MMP20: variants seen among roughly 807,000 people sequenced by gnomAD.
MMP20 encodes matrix metalloproteinase-20.
Under a neutral mutation model 51.8 loss-of-function variants are expected in MMP20, and 50 were observed. The ratio of observed to expected loss-of-function variants is 0.97; its 90% CI spans 0.77 to 1.22. MMP20 has a LOEUF of 1.22. Ranked by LOEUF, MMP20 falls within the 50% of genes most tolerant of loss-of-function variation. MMP20 has a pLI of 0.00. For synonymous variants in MMP20, 244 were observed against 216.2 expected, an observed-to-expected ratio of 1.13 and a Z score of -1.13; for missense variants, 663 against 601.4, an observed-to-expected ratio of 1.10 and a Z score of -1.07.
intron 8 of MMP20, among the ~76,000 whole-genome samples, chr11:102,588,546 T>C (rs988510004): frequency 2.0e-5 from 3 of 152,190 alleles, no homozygotes; most frequent in Non-Finnish European, 4.4e-5. Flanking sequence ...TTTCTACATG[T>C]CATAGCCTTA....
At chr11:102,596,551 G>A (rs1185465772) in intron 6 of MMP20, among the ~76,000 whole-genome samples, 1 of 152,152 alleles carries the variant, frequency 6.6e-6, no homozygotes, top group Non-Finnish European at 1.5e-5. Context: ...ATTTGCTTAG[G>A]CCTTAATTAC....
chr11:102,591,656 C>T (rs1859318764), intron 8 of MMP20, among the ~76,000 whole-genome samples: 1 of 152,120 alleles, frequency 6.6e-6, no homozygotes, highest in African/African-American at 2.4e-5. Flanking sequence ...TGCCCTAGAC[C>T]AACTTTTCGG....
At position 102,622,440 on chromosome 11, in the gene MMP20, C is replaced by T. The variant is rs537153390; in HGVS notation, c.126+2754G>A. Among the ~76,000 whole-genome samples, 13 of 152,200 alleles carry T rather than the reference C, an allele frequency of 8.5e-5. No homozygotes were observed. The South Asian group carries it at 2.1e-3, about 24-fold the overall frequency. On this transcript the variant is annotated intron_variant, in intron 1 of 9. Transcript: ENST00000260228. ...ATGGGCCTGATGATTGCATTCCAAG[C>T]AGCTGCTGTTTCCTCCGTCTGGACT...
intron 6 of MMP20, among the ~76,000 whole-genome samples, chr11:102,597,304 T>G (rs1612069): frequency 0.52 from 78,360 of 152,090 alleles, 20,717 homozygotes; most frequent in South Asian, 0.67. Context: ...AGTGATATCT[T>G]GAATGACTCA....
intron 5 of MMP20, chr11:102,608,044 G>A (rs1366878095): frequency 6.6e-6 from 1 of 152,184 alleles, no homozygotes; most frequent in Non-Finnish European, 1.5e-5. Context: ...TGAATGGTGT[G>A]CCCATTTCTG....
intron 1 of MMP20, among the ~76,000 whole-genome samples, chr11:102,624,087 C>T (rs1202630443): frequency 6.6e-6 from 1 of 152,184 alleles, no homozygotes; most frequent in Admixed American, 6.5e-5. Flanking sequence ...GGCCGGGGAA[C>T]TGACCAGTTA....
chr11:102,617,108 A>T (rs770252206), intron 1 of MMP20, 49 bp from the exon 2 acceptor site: 14 of 1,611,896 alleles, frequency 8.7e-6, no homozygotes, highest in African/African-American at 4.0e-5. Flanking sequence ...TCTGGGAAAT[A>T]CTCATGCTCA....
chr11:102,619,433 A>G (rs539094230), intron 1 of MMP20, among the ~76,000 whole-genome samples: 2 of 152,310 alleles, frequency 1.3e-5, no homozygotes, highest in South Asian at 4.1e-4. Context: ...TGCTGTTACA[A>G]CATGAGCCAT....
rs199606688 is a variant in MMP20 at position 102,611,678 on chromosome 11, G to A, written c.523+77C>T. ...GCGAAGGAGGAGTGTGTGATCACTC[G>A]AATTAAAGATGTAGAAGGAACAGTA... is the stretch of plus-strand genomic sequence containing the variant. On this transcript the variant is annotated intron_variant, in intron 3 of 9. Transcript: ENST00000260228. 2.3e-5 allele frequency: 36 copies of A among 1,553,370 alleles called. No homozygotes were observed. In the East Asian group the frequency reaches 7.0e-4, roughly 30 times the overall value.
intron 2 of MMP20, among the ~76,000 whole-genome samples, chr11:102,612,896 C>T (rs1030663502): frequency 1.3e-5 from 2 of 151,944 alleles, no homozygotes; most frequent in South Asian, 2.1e-4. Context: ...GCCACCACGC[C>T]GGGCTAATTT....
chr11:102,587,354 G>A (rs975498529), intron 8 of MMP20, among the ~76,000 whole-genome samples: 1 of 152,188 alleles, frequency 6.6e-6, no homozygotes, highest in East Asian at 1.9e-4. Context: ...GTTGAGACTT[G>A]TGTGGTGGCC....
intron 3 of MMP20, 101 bp downstream of exon 3, chr11:102,611,654 C>A: frequency 7.0e-6 from 10 of 1,436,644 alleles, no homozygotes; most frequent in Non-Finnish European, 7.7e-6. Flanking sequence ...CAGCACTGTG[C>A]GAAGGAGGAG....
intron 6 of MMP20, among the ~76,000 whole-genome samples, chr11:102,599,208 T>C (rs948687360): frequency 2.6e-5 from 4 of 152,020 alleles, no homozygotes; most frequent in Admixed American, 2.6e-4. Flanking sequence ...TCAGTAGAGA[T>C]GGGGTTTGAC....
At chr11:102,578,857 C>A (rs1328662510) in intron 9 of MMP20, among the ~76,000 whole-genome samples, 182 bp downstream of exon 9, 2 of 151,942 alleles carry the variant, frequency 1.3e-5, no homozygotes, top group Non-Finnish European at 2.9e-5. Context: ...ACTAAAATAC[C>A]AGAACTTTTA....
intron 1 of MMP20, among the ~76,000 whole-genome samples, chr11:102,624,946 A>T (rs1052540593): frequency 1.3e-5 from 2 of 152,174 alleles, no homozygotes; most frequent in African/African-American, 2.4e-5. Flanking sequence ...GCCACCTGGA[A>T]TTCTTTATGA....
chr11:102,585,354 CTT>C (rs992385572), intron 8 of MMP20, among the ~76,000 whole-genome samples: 8 of 152,078 alleles, frequency 5.3e-5, no homozygotes, highest in African/African-American at 1.7e-4. Flanking sequence ...GTATTTGACT[CTT>C]TTTGATGCTA....
Position 102,625,199 on chromosome 11 carries a change from C to A in MMP20, c.121G>T (p.Ala41Ser). The A allele has an allele frequency of 6.2e-7, 1 of 1,613,670 alleles. No individual in the cohort carries two copies. The highest frequency in any genetic ancestry group is 8.5e-7 in the Non-Finnish European group (1 of 1,179,848). Residue 41 changes from alanine to serine, a missense_variant, in exon 1 of 10, where the codon GCA (alanine) becomes TCA (serine). Transcript: ENST00000260228. ...PRTWRNNYRL[A>S]QAYLDKYYTN... Reference sequence around the variant, plus strand: ...TTGGGCAAAAATTCACAAACCTGTGCGAGGCGGTAGTTGTTCCTCCAGGTC... The same window carrying A: ...TTGGGCAAAAATTCACAAACCTGTGAGAGGCGGTAGTTGTTCCTCCAGGTC...
At chr11:102,621,121 C>G (rs1313901769) in intron 1 of MMP20, among the ~76,000 whole-genome samples, 1 of 152,196 alleles carries the variant, frequency 6.6e-6, no homozygotes, top group South Asian at 2.1e-4. Flanking sequence ...ATACCTTTGG[C>G]TCTCTCTCTA....
intron 1 of MMP20, among the ~76,000 whole-genome samples, chr11:102,620,596 G>T (rs908630631): frequency 2.0e-5 from 3 of 152,158 alleles, no homozygotes; most frequent in East Asian, 1.9e-4. Context: ...GGAGGCCAGG[G>T]GTTCCATTCC....
Sources: gnomAD v4.1 joint callset for allele counts (sites outside exome capture counted in the v4.1 genomes callset) on GRCh38, gnomAD v4.1.1 for gene constraint, MANE v1.5 for transcripts, NCBI Gene and HGNC (gene_info 2026-07-23, HGNC 2026-07-21) for gene names.